The following PKM variants were observed in gnomAD, a reference collection of about 807,000 sequenced individuals.
PKM encodes pyruvate kinase M1/2.
A neutral mutation model predicts 49.8 loss-of-function variants in PKM; 18 were observed. The observed-to-expected ratio is 0.36, with a 90% confidence interval of 0.25 to 0.54. PKM has a LOEUF of 0.54. Among genes scored for constraint, PKM ranks in the 20% least tolerant of loss-of-function variants. PKM has a pLI of 0.89. For synonymous variants in PKM, 239 were observed against 261.8 expected, an observed-to-expected ratio of 0.91 and a Z score of 0.84; for missense variants, 508 against 713.8, an observed-to-expected ratio of 0.71 and a Z score of 3.28.
In PKM at chr15:72,209,647, A is replaced by G. The variant is rs375270032; in HGVS notation, c.565+26T>C. 1.5e-5 allele frequency: 24 copies of G among 1,603,596 alleles called. No homozygotes were observed. The African/African-American group carries it at 3.2e-4, about 21-fold the overall frequency. ...TTAGAGACAAAAGACTGTTTTAGAC[A>G]ACTGGACTCCAGCTCCCATACGTAC... On this transcript the variant is annotated intron_variant, in intron 5 of 10. Transcript: ENST00000335181.
At chr15:72,225,739 T>C (rs972524711) in intron 1 of PKM, among the ~76,000 whole-genome samples, 1 of 152,180 alleles carries the variant, frequency 6.6e-6, no homozygotes, top group Non-Finnish European at 1.5e-5. Flanking sequence ...AACAGACCAT[T>C]TTATTTATGG....
intron 10 of PKM, 98 bp from the exon 11 acceptor site, chr15:72,199,854 T>A: frequency 1.3e-6 from 1 of 765,996 alleles, no homozygotes; most frequent in Non-Finnish European, 2.3e-6. Flanking sequence ...CTAGGCTGGC[T>A]GACCACTACT....
At chr15:72,218,427 A>AT (rs1027062912) in intron 2 of PKM, among the ~76,000 whole-genome samples, 3 of 150,034 alleles carry the variant, frequency 2.0e-5, no homozygotes, top group Admixed American at 6.7e-5. Context: ...CGCCCGGACA[A>AT]TTTTTTTTTC....
intron 1 of PKM, among the ~76,000 whole-genome samples, chr15:72,230,538 G>A (rs2082830656): frequency 6.6e-6 from 1 of 152,148 alleles, no homozygotes; most frequent in African/African-American, 2.4e-5. Flanking sequence ...TGACCAGCAA[G>A]CAGGGGGAGG....
chr15:72,206,692 G>A (rs770042402), intron 8 of PKM, 36 bp downstream of exon 8: 38 of 1,607,014 alleles, frequency 2.4e-5, no homozygotes, highest in Non-Finnish European at 2.6e-5. Context: ...GGCCCAGTCC[G>A]AAGCCCTGGG....
At chr15:72,229,747 TCCTGGTCTCTAACTCTGACCCC>T in intron 1 of PKM, 1 of 1,151,438 alleles carries the variant, frequency 8.7e-7, no homozygotes, top group Non-Finnish European at 1.1e-6. Flanking sequence ...CGTCTAGTCA[TCCTGGTCTCTAACTCTGACCCC>T]CAAACAGCCC....
chr15:72,210,294 T>C, intron 4 of PKM, 53 bp downstream of exon 4: 1 of 1,598,058 alleles, frequency 6.3e-7, no homozygotes, highest in African/African-American at 1.3e-5. Flanking sequence ...AGGACATGTC[T>C]CTGGGGCATA....
intron 8 of PKM, among the ~76,000 whole-genome samples, chr15:72,205,736 A>G (rs183531366): frequency 1.3e-5 from 2 of 151,412 alleles, no homozygotes; most frequent in African/African-American, 4.9e-5. Context: ...CACTGGCTAG[A>G]AAGGGAATAG....
chr15:72,229,023 G>T (rs979842379), intron 1 of PKM, among the ~76,000 whole-genome samples: 3 of 152,170 alleles, frequency 2.0e-5, no homozygotes, highest in African/African-American at 7.2e-5. Flanking sequence ...CAGAGAGTTG[G>T]AAAGTTACAT....
At position 72,200,495 on chromosome 15, in the gene PKM, C is replaced by T. The variant is rs11558358; in HGVS notation, c.1468G>A (p.Val490Met). 3.1e-6 allele frequency: 5 copies of T among 1,613,606 alleles called. No homozygotes were observed. The highest frequency in any genetic ancestry group is 3.4e-4 in the Middle Eastern group (2 of 5,814). ...GTACCAACATTCATGGCAAAGTTCA[C>T]CCGGAGGTCCACGTCCTCAGCCCAG... Reference protein sequence around the residue: ...EAWAEDVDLRVNFAMNVGKAR... With the variant: ...EAWAEDVDLRMNFAMNVGKAR... The change falls in exon 10 of 11, where the codon GTG becomes ATG. Residue 490 changes from valine to methionine, a missense_variant. Coordinates refer to ENST00000335181, the MANE Select transcript of PKM (RefSeq NM_002654.6). The surrounding 1 kb of genome is among the most constrained non-coding windows in gnomAD (Gnocchi z 4.6).
chr15:72,220,627 A>G (rs1398402013), intron 1 of PKM, among the ~76,000 whole-genome samples: 2 of 152,220 alleles, frequency 1.3e-5, no homozygotes, highest in African/African-American at 2.4e-5. Context: ...TAAGCCCCTA[A>G]TATCTACTAC....
At chr15:72,205,636 T>G (rs961458004) in intron 8 of PKM, among the ~76,000 whole-genome samples, 5 of 150,922 alleles carry the variant, frequency 3.3e-5, no homozygotes, top group African/African-American at 9.7e-5. Flanking sequence ...TTTTTTTTTT[T>G]TTTTTTTTTT....
intron 1 of PKM, among the ~76,000 whole-genome samples, chr15:72,229,064 T>A (rs1397910654): frequency 6.6e-6 from 1 of 152,084 alleles, no homozygotes; most frequent in Non-Finnish European, 1.5e-5. Context: ...TTAAACCAGA[T>A]CCCTTGGGGA....
chr15:72,203,727 G>A (rs2140611780), intron 8 of PKM: 1 of 160,202 alleles, frequency 6.2e-6, no homozygotes, highest in Non-Finnish European at 1.4e-5. Flanking sequence ...TGGAAAGCTG[G>A]GATCAAAGCC....
intron 6 of PKM, among the ~76,000 whole-genome samples, 195 bp downstream of exon 6, chr15:72,208,426 A>T (rs577528777): frequency 0.024 from 3,571 of 150,566 alleles, 125 homozygotes; most frequent in African/African-American, 0.082. Context: ...GCTTTTTTTT[A>T]AAAAAAACAA....
intron 1 of PKM, among the ~76,000 whole-genome samples, chr15:72,219,868 T>A (rs1417851012): frequency 1.3e-5 from 2 of 152,236 alleles, no homozygotes; most frequent in Admixed American, 1.3e-4. Context: ...CCCAAATGAT[T>A]TTTGATACAC....
chr15:72,211,753 G>C (rs988064700), intron 3 of PKM, among the ~76,000 whole-genome samples: 5 of 150,110 alleles, frequency 3.3e-5, no homozygotes, highest in African/African-American at 1.2e-4. Context: ...AGGCTACAGT[G>C]AGCCATGATC....
intron 3 of PKM, among the ~76,000 whole-genome samples, chr15:72,214,891 A>G (rs1270758645): frequency 6.6e-6 from 1 of 152,220 alleles, no homozygotes; most frequent in Non-Finnish European, 1.5e-5. Flanking sequence ...AACTGCCAAA[A>G]GTGAGGGCTG....
rs2081884834 is a variant in PKM, at chr15:72,199,623, G to C, written c.*27C>G. Reference sequence around the variant, plus strand: ...GGGCTGGGGGAAGGGGGTGGGACAGGGGCTGGAGGAGGGGCTCTGGGGTCC... The same window carrying C: ...GGGCTGGGGGAAGGGGGTGGGACAGCGGCTGGAGGAGGGGCTCTGGGGTCC... On this transcript the variant is annotated 3_prime_UTR_variant, in exon 11 of 11. Transcript: ENST00000335181. 6.6e-7 allele frequency: 1 copy of C among 1,521,976 alleles called. No individual in the cohort carries two copies. The highest frequency in any genetic ancestry group is 9.1e-7 in the Non-Finnish European group (1 of 1,097,086). 94.3% of individuals were successfully genotyped at this position (1,521,976 alleles called of 1,614,324 possible).
Sources: allele counts gnomAD v4.1 joint callset (sites outside exome capture counted in the v4.1 genomes callset), GRCh38; gene constraint gnomAD v4.1.1; non-coding constraint Gnocchi (gnomAD v3.1); transcripts MANE v1.5; gene names NCBI Gene and HGNC (gene_info 2026-07-23, HGNC 2026-07-21).